Variants in COL5A2 observed in about 807,000 individuals in gnomAD.
COL5A2 encodes the protein collagen alpha-2(V) chain.
In COL5A2, 23 loss-of-function variants were observed where a neutral mutation model predicts 208.2. The observed-to-expected ratio is 0.11, with a 90% CI of 0.08 to 0.16. COL5A2 has a LOEUF of 0.16. Ranked by LOEUF, COL5A2 falls within the 10% of genes least tolerant of loss-of-function variation. The pLI, the probability that COL5A2 is intolerant of heterozygous loss-of-function variation, is 1.00. For synonymous variants in COL5A2, 625 were observed against 628.5 expected (o/e 0.99, Z 0.08); for missense variants, 1,590 against 1,956.4 (o/e 0.81, Z 3.53).
At chr2:189,424,909 T>C in the COL5A2 span, among the ~76,000 whole-genome samples, 3 of 152,304 alleles carry the variant, frequency 2.0e-5, no homozygotes, top group Middle Eastern at 3.4e-3. Context: ...CTTCAAGATA[T>C]ATTACAAAGC....
intron 1 of COL5A2, among the ~76,000 whole-genome samples, chr2:189,120,957 T>C (rs1358906615): frequency 6.6e-6 from 1 of 152,240 alleles, no homozygotes; most frequent in Non-Finnish European, 1.5e-5. Context: ...TATCTGTTAT[T>C]TTGCCAAGCA....
At position 189,043,179 on chromosome 2, in the gene COL5A2, G is replaced by C. The variant is rs762080305; in HGVS notation, c.3443C>G (p.Thr1148Ser). The part of the protein sequence containing the change: ...DRGQKGHRGF[T>S]GLQGLPGPPG... ...AGGGCCAGGAAGACCCTGAAGACCA[G>C]TAAAGCCTCTGTGGCCCTTCTGACC... Residue 1148 changes from threonine (T) to serine (S), a missense_variant, in exon 48 of 54, where the codon ACT (threonine) becomes AGT (serine). Physicochemically the swap from Thr to Ser is moderately conservative, Grantham distance 58. Transcript: ENST00000374866. 6.2e-7 allele frequency: 1 copy of C among 1,613,832 alleles called. No individual in the cohort carries two copies. The highest frequency in any genetic ancestry group is 1.7e-5 in the Admixed American group (1 of 60,012).
At chr2:189,085,571 G>C (rs1559096680) in intron 10 of COL5A2, 148 bp downstream of exon 10, 1 of 683,922 alleles carries the variant, frequency 1.5e-6, no homozygotes, top group Non-Finnish European at 2.7e-6. Context: ...TATAGCTTAA[G>C]AACAGTTCAT....
chr2:189,291,614 A>G, the COL5A2 span, among the ~76,000 whole-genome samples: 5 of 152,114 alleles, frequency 3.3e-5, no homozygotes, highest in Admixed American at 1.3e-4. Context: ...TCATGGCAGA[A>G]GTACTTCAGA....
chr2:189,268,327 A>G, the COL5A2 span, among the ~76,000 whole-genome samples: 1 of 152,164 alleles, frequency 6.6e-6, no homozygotes, highest in South Asian at 2.1e-4. Flanking sequence ...TTGTTGCCTA[A>G]AATTGTCAGT....
At chr2:189,169,473 C>T (rs1370337329) in intron 1 of COL5A2, among the ~76,000 whole-genome samples, 1 of 151,878 alleles carries the variant, frequency 6.6e-6, no homozygotes, top group Non-Finnish European at 1.5e-5. Flanking sequence ...ACAATATGGC[C>T]TTTTTATTTG....
chr2:189,072,302 A>G (rs1686292518), intron 17 of COL5A2, among the ~76,000 whole-genome samples: 2 of 152,244 alleles, frequency 1.3e-5, no homozygotes, highest in South Asian at 4.1e-4. Flanking sequence ...AAGGTATTAA[A>G]CATAATTGGA....
At chr2:189,039,663 T>C in intron 50 of COL5A2, 100 bp from the exon 51 acceptor site, 1 of 1,194,782 alleles carries the variant, frequency 8.4e-7, no homozygotes, top group Non-Finnish European at 1.2e-6. Context: ...ACACTCCAAT[T>C]TGACAGTAAA....
the COL5A2 span, among the ~76,000 whole-genome samples, chr2:189,308,323 C>A: frequency 5.9e-5 from 9 of 151,906 alleles, no homozygotes; most frequent in Non-Finnish European, 1.0e-4. Context: ...TCAGGCACAG[C>A]TGACCAGCAT....
the COL5A2 span, among the ~76,000 whole-genome samples, chr2:189,437,745 T>C: frequency 6.6e-6 from 1 of 152,152 alleles, no homozygotes; most frequent in Non-Finnish European, 1.5e-5. Context: ...TGCACCATCA[T>C]TAGGGAATGA....
chr2:189,137,796 T>G (rs1687854748), intron 1 of COL5A2, among the ~76,000 whole-genome samples: 1 of 152,132 alleles, frequency 6.6e-6, no homozygotes, highest in Non-Finnish European at 1.5e-5. Context: ...GGTGCATAAA[T>G]GATGTGTGCC....
At chr2:189,168,256 A>C (rs1028374534) in intron 1 of COL5A2, among the ~76,000 whole-genome samples, 4 of 137,134 alleles carry the variant, frequency 2.9e-5, no homozygotes, top group African/African-American at 5.4e-5. Context: ...TTTTTTTTTA[A>C]TTCTTACAAC....
chr2:189,039,135 T>C (rs1276012265), intron 51 of COL5A2, 137 bp downstream of exon 51: 5 of 1,098,908 alleles, frequency 4.5e-6, no homozygotes, highest in Admixed American at 3.7e-5. Context: ...CATTAAATTA[T>C]AAGCTCCATG....
chr2:189,092,400 T>C lies in COL5A2; in HGVS notation c.477A>G (p.Gly159=). 6.2e-7 allele frequency: 1 copy of C among 1,602,770 alleles called. No homozygotes were observed. The highest frequency in any genetic ancestry group is 8.5e-7 in the Non-Finnish European group (1 of 1,174,074). The part of the protein sequence containing the change: ...KGRPGPRGPQ[G]IDGEPGVPGQ... The stretch of plus-strand genomic sequence containing the variant: ...CAGGAACACCTGGTTCTCCATCAAT[T>C]CCCTGAGGTCCACGAGGGCCCTGGA... Residue 159 remains glycine, a synonymous_variant, in exon 7 of 54, where the codon GGA becomes GGG. Transcript: ENST00000374866.
rs758314268 is a variant in COL5A2, at chr2:189,054,216, T to C, written c.2392-4A>G. 1.3e-5 allele frequency: 21 copies of C among 1,612,452 alleles called. No homozygotes were observed. In the South Asian group the frequency reaches 2.0e-4, roughly 15 times the overall value. On this transcript the variant is annotated splice_region_variant and splice_polypyrimidine_tract_variant and intron_variant, in intron 35 of 53. Transcript: ENST00000374866. ...GGCCCAAAGGACCTGGAAGACCCTG[T>C]CAATTAACAGAACATAGGCATATTG...
chr2:189,045,861 C>A lies in COL5A2; in HGVS notation c.3248G>T (p.Gly1083Val). Residue 1083 changes from glycine (G) to valine (V), a missense_variant, in exon 46 of 54, where the codon GGT (glycine) becomes GTT (valine). By Grantham distance (109) the Gly-to-Val change is moderately radical (BLOSUM62 -3). Coordinates refer to ENST00000374866, the MANE Select transcript of COL5A2 (RefSeq NM_000393.5). Reference protein sequence around the residue: ...PGPAGLPGSQGAPGTPGPVGA... With the variant: ...PGPAGLPGSQVAPGTPGPVGA... ...CACAGGGCCAGGAGTTCCAGGGGCACCCTGAGAGCCTGGCAGACCTGCAGG... is the reference window on the plus strand; with the variant it reads ...CACAGGGCCAGGAGTTCCAGGGGCAACCTGAGAGCCTGGCAGACCTGCAGG... The A allele has an allele frequency of 2.5e-6, 4 of 1,614,176 alleles. No individual in the cohort carries two copies. Among genetic ancestry groups the A allele is most frequent in the Non-Finnish European group, 3.4e-6 (4 of 1,180,012 alleles).
the COL5A2 span, among the ~76,000 whole-genome samples, chr2:189,378,711 G>T: frequency 6.9e-6 from 1 of 145,762 alleles, no homozygotes; most frequent in Non-Finnish European, 1.5e-5. Context: ...GCGACAGTGC[G>T]AGACTCCGTC....
chr2:189,191,483 A>G (rs1688928649), intron 1 of COL5A2, among the ~76,000 whole-genome samples: 1 of 151,986 alleles, frequency 6.6e-6, no homozygotes. Flanking sequence ...TCTACTAAAA[A>G]CACAAAAATT....
intron 1 of COL5A2, among the ~76,000 whole-genome samples, chr2:189,124,412 C>T (rs1687569470): frequency 6.6e-6 from 1 of 152,174 alleles, no homozygotes; most frequent in East Asian, 1.9e-4. Context: ...TGATTGCATA[C>T]CAACTATTAT....
Sources: gnomAD v4.1 joint callset for allele counts (sites outside exome capture counted in the v4.1 genomes callset) on GRCh38, gnomAD v4.1.1 for gene constraint, MANE v1.5 for transcripts, NCBI Gene and HGNC (gene_info 2026-07-23, HGNC 2026-07-21) for gene names.